The following PPP3R1 variants were observed in gnomAD, a reference collection of about 807,000 sequenced individuals.
PPP3R1 encodes calcineurin subunit B type 1.
Under a neutral mutation model 22.6 loss-of-function variants are expected in PPP3R1, and 5 were observed. The observed-to-expected ratio is 0.22, with a 90% confidence interval of 0.12 to 0.46. The LOEUF (loss-of-function observed/expected upper bound fraction) is 0.46. PPP3R1 is among the 20% of genes least tolerant of loss of function. PPP3R1 has a pLI of 0.99. For missense variants in PPP3R1, 61 were observed against 203.2 expected (o/e 0.30, Z 4.25); for synonymous variants, 56 against 65.2 (o/e 0.86, Z 0.68).
chr2:68,179,196 G>A lies in PPP3R1; in HGVS notation c.*1767C>T, dbSNP rs1674351938. Reference sequence around the variant, plus strand: ...GTTCCCCCTTGAAGCAGAGCACATGGCAGTTGACACTGGAACAGTTCAAAC... The same window carrying A: ...GTTCCCCCTTGAAGCAGAGCACATGACAGTTGACACTGGAACAGTTCAAAC... On this transcript the variant is annotated 3_prime_UTR_variant, in exon 6 of 6. Transcript: ENST00000234310. 1 of 152,608 alleles carries A rather than the reference G, an allele frequency of 6.6e-6. No homozygotes were observed. Among genetic ancestry groups the A allele is most frequent in the Non-Finnish European group, 1.5e-5 (1 of 68,040 alleles). The allele number at this position is 152,608 out of a possible 1,614,324, so 9.5% of individuals were successfully genotyped here.
At chr2:68,249,472 T>A (rs1222283300) in intron 1 of PPP3R1, among the ~76,000 whole-genome samples, 1 of 152,160 alleles carries the variant, frequency 6.6e-6, no homozygotes, top group African/African-American at 2.4e-5. Flanking sequence ...AAAAGGCCTT[T>A]ATAAAATTTA....
At chr2:68,211,537 T>C (rs1285944767) in intron 2 of PPP3R1, among the ~76,000 whole-genome samples, 1 of 152,118 alleles carries the variant, frequency 6.6e-6, no homozygotes, top group Non-Finnish European at 1.5e-5. Flanking sequence ...TCGGGGTGGC[T>C]GTGACAATTT....
Position 68,179,009 on chromosome 2 carries a change from A to AAAAAAGAAAAAAAG in PPP3R1, c.*1953_*1954insCTTTTTTTCTTTTT, listed in dbSNP as rs1553403006. ...CACACACAAACTAAAAAAAAAAAAA[A>AAAAAAGAAAAAAAG]AAAAAAAGAAAAAGAAAAAACCCTC... On this transcript the variant is annotated 3_prime_UTR_variant, in exon 6 of 6. Coordinates refer to ENST00000234310, the MANE Select transcript of PPP3R1 (RefSeq NM_000945.4). The AAAAAAGAAAAAAAG allele has an allele frequency of 8.2e-6, 1 of 122,528 alleles. No individual in the cohort carries two copies. The highest frequency in any genetic ancestry group is 1.6e-5 in the Non-Finnish European group (1 of 61,322). The allele number at this position is 122,528 out of a possible 1,614,324, so 7.6% of individuals were successfully genotyped here.
At chr2:68,189,606 G>A (rs917723655) in intron 2 of PPP3R1, among the ~76,000 whole-genome samples, 1 of 152,070 alleles carries the variant, frequency 6.6e-6, no homozygotes, top group Non-Finnish European at 1.5e-5. Flanking sequence ...AATGGCTCAC[G>A]CTTGTAATCC....
intron 2 of PPP3R1, among the ~76,000 whole-genome samples, chr2:68,212,133 C>T (rs1030560765): frequency 3.3e-5 from 5 of 152,126 alleles, no homozygotes; most frequent in East Asian, 1.9e-4. Flanking sequence ...CAGGCTGGAG[C>T]GCAGTAGTGT....
intron 5 of PPP3R1, among the ~76,000 whole-genome samples, chr2:68,181,627 T>C (rs1674405489): frequency 6.9e-6 from 1 of 145,198 alleles, no homozygotes. Flanking sequence ...ACACTTCAGG[T>C]AAAAACGATT....
chr2:68,228,119 C>T (rs1669821472), intron 1 of PPP3R1, among the ~76,000 whole-genome samples: 1 of 152,128 alleles, frequency 6.6e-6, no homozygotes, highest in Admixed American at 6.5e-5. Context: ...CAACTGATAA[C>T]ATTTCCCTCT....
chr2:68,240,503 G>A (rs754928423), intron 1 of PPP3R1, among the ~76,000 whole-genome samples: 17 of 152,266 alleles, frequency 1.1e-4, no homozygotes, highest in Non-Finnish European at 2.1e-4. Context: ...GACAGAAAGC[G>A]ACCAAACATC....
chr2:68,203,937 A>G (rs1471810172), intron 2 of PPP3R1, among the ~76,000 whole-genome samples: 1 of 152,232 alleles, frequency 6.6e-6, no homozygotes, highest in African/African-American at 2.4e-5. Context: ...AAGAGAGATG[A>G]GACATCTTTT....
chr2:68,185,835 C>T (rs1343005868), intron 5 of PPP3R1, among the ~76,000 whole-genome samples: 1 of 152,194 alleles, frequency 6.6e-6, no homozygotes, highest in East Asian at 1.9e-4. Flanking sequence ...AGTGCCACCC[C>T]ACTTTTTGAA....
chr2:68,215,989 T>C (rs1271219569), intron 2 of PPP3R1, among the ~76,000 whole-genome samples: 4 of 152,192 alleles, frequency 2.6e-5, no homozygotes, highest in Non-Finnish European at 4.4e-5. Context: ...AGTTGTTTTT[T>C]AGACTTAATT....
intron 1 of PPP3R1, among the ~76,000 whole-genome samples, chr2:68,235,543 C>CT (rs1271449743): frequency 6.6e-6 from 1 of 152,106 alleles, no homozygotes. Context: ...TATCAACACA[C>CT]TTCTTTTTAC....
chr2:68,206,643 T>A (rs141094039), intron 2 of PPP3R1, among the ~76,000 whole-genome samples: 17 of 152,340 alleles, frequency 1.1e-4, no homozygotes, highest in African/African-American at 3.4e-4. Flanking sequence ...AGGCTTTTCT[T>A]AATTTCCTTA....
At chr2:68,235,103 C>T (rs1278353136) in intron 1 of PPP3R1, among the ~76,000 whole-genome samples, 2 of 152,162 alleles carry the variant, frequency 1.3e-5, no homozygotes, top group African/African-American at 4.8e-5. Context: ...GCAATGAGAA[C>T]AGATAAAGAA....
At chr2:68,190,332 A>G (rs946271825) in intron 2 of PPP3R1, among the ~76,000 whole-genome samples, 24 of 151,126 alleles carry the variant, frequency 1.6e-4, no homozygotes, top group African/African-American at 5.8e-4. Context: ...CAGGAGGCCA[A>G]GGCGGGTGGA....
At chr2:68,208,156 A>AGAGC (rs1669370425) in intron 2 of PPP3R1, among the ~76,000 whole-genome samples, 1 of 152,194 alleles carries the variant, frequency 6.6e-6, no homozygotes, top group African/African-American at 2.4e-5. Context: ...TGCTGTCTCA[A>AGAGC]AAAACGCCCG....
chr2:68,206,874 A>G (rs1166602765), intron 2 of PPP3R1, among the ~76,000 whole-genome samples: 3 of 152,198 alleles, frequency 2.0e-5, no homozygotes, highest in Non-Finnish European at 4.4e-5. Context: ...AACTACACTG[A>G]AAGAAGAAAA....
Position 68,187,320 on chromosome 2 carries a change from TAA to T in PPP3R1, c.221-8_221-7del, listed in dbSNP as rs1674565509. Reference sequence around the variant, plus strand: ...AGAGACGCCCTCAATGAATTCTGAATAAGAGTTAAAAATGTTCACAAATCAGA... The same window carrying T: ...AGAGACGCCCTCAATGAATTCTGAATGAGTTAAAAATGTTCACAAATCAGA... On this transcript the variant is annotated splice_polypyrimidine_tract_variant and splice_region_variant and intron_variant, in intron 3 of 5. Transcript: ENST00000234310. 6.2e-7 allele frequency: 1 copy of T among 1,607,078 alleles called. No homozygotes were observed. The highest frequency in any genetic ancestry group is 1.3e-5 in the African/African-American group (1 of 74,832).
chr2:68,181,262 G>A (rs759533001), intron 5 of PPP3R1, among the ~76,000 whole-genome samples: 1 of 151,884 alleles, frequency 6.6e-6, no homozygotes, highest in African/African-American at 2.4e-5. Context: ...GTGTGGTGGC[G>A]TGTGCCTCTA....
Sources: gnomAD v4.1 joint callset for allele counts (sites outside exome capture counted in the v4.1 genomes callset) on GRCh38, gnomAD v4.1.1 for gene constraint, MANE v1.5 for transcripts, NCBI Gene and HGNC (gene_info 2026-07-23, HGNC 2026-07-21) for gene names.